MRPS11: variants seen among roughly 807,000 people sequenced by gnomAD.
The protein encoded by MRPS11 is small ribosomal subunit protein uS11m.
In MRPS11, 27 loss-of-function variants were observed where a neutral mutation model predicts 24.3. The ratio of observed to expected loss-of-function variants is 1.11; its 90% CI spans 0.82 to 1.53. The LOEUF is 1.53. Among genes scored for constraint, MRPS11 ranks in the 40% most tolerant of loss-of-function variants. The probability of loss-of-function intolerance (pLI) is 0.00; values close to 1 mark genes in which losing one functional copy is unlikely to be tolerated. For synonymous variants in MRPS11, 104 were observed against 98.7 expected (o/e 1.05, Z -0.32); for missense variants, 277 against 256.5 (o/e 1.08, Z -0.55).
chr15:88,479,920 G>A lies in MRPS11; in HGVS notation c.*1941G>A, dbSNP rs2055898654. 6.6e-6 allele frequency: 1 copy of A among 152,302 alleles called. No individual in the cohort carries two copies. The highest frequency in any genetic ancestry group is 1.5e-5 in the Non-Finnish European group (1 of 68,082). The allele number at this position is 152,302 out of a possible 1,614,324, so 9.4% of individuals were successfully genotyped here. On this transcript the variant is annotated 3_prime_UTR_variant, in exon 6 of 6. Coordinates refer to ENST00000325844, the MANE Select transcript of MRPS11 (RefSeq NM_022839.5). ...AAGCAGCTGCCACCCTAGGCTAGAA[G>A]AGGCAGGGAAGAACAGTTCCTAGAA...
chr15:88,474,901 T>G (rs2055789022), intron 3 of MRPS11: 1 of 517,184 alleles, frequency 1.9e-6, no homozygotes, highest in Non-Finnish European at 3.4e-6. Context: ...ATTATGTGAC[T>G]TACCAGTTTT....
intron 3 of MRPS11, among the ~76,000 whole-genome samples, chr15:88,473,188 C>T (rs2055751624): frequency 6.6e-6 from 1 of 152,234 alleles, no homozygotes; most frequent in Admixed American, 6.5e-5. Flanking sequence ...CACTCTGGGC[C>T]ACTGTGCACT....
chr15:88,472,785 A>T (rs969769931), intron 3 of MRPS11, 60 bp downstream of exon 3: 1 of 1,429,520 alleles, frequency 7.0e-7, no homozygotes, highest in Admixed American at 1.8e-5. Flanking sequence ...CTTCACAGGG[A>T]AAGTCAGGCT....
rs369298178 is a variant in MRPS11, at chr15:88,477,994, G to A, written c.*15G>A. The A allele has an allele frequency of 5.0e-6, 8 of 1,607,358 alleles. No homozygotes were observed. Among genetic ancestry groups the A allele is most frequent in the Non-Finnish European group, 2.6e-6 (3 of 1,173,980 alleles). ...GGAAGCTGTGATGGGAAGGAGGCCT[G>A]CACTTGGACCTGACCTCAAGCCTCA... On this transcript the variant is annotated 3_prime_UTR_variant, in exon 6 of 6. Coordinates refer to ENST00000325844, the MANE Select transcript of MRPS11 (RefSeq NM_022839.5). This position sits in a 1 kb window ranked among gnomAD's most constrained non-coding sequence, Gnocchi z 5.7.
At chr15:88,476,485 T>C (rs1598296361) in intron 4 of MRPS11, among the ~76,000 whole-genome samples, 1 of 152,322 alleles carries the variant, frequency 6.6e-6, no homozygotes, top group African/African-American at 2.4e-5. Context: ...TCATATACTA[T>C]GAAAAGAAGT....
rs77916073 is a variant in MRPS11, at chr15:88,469,599, A to G, written c.182+1575A>G. Among the ~76,000 whole-genome samples, 40 of 152,350 alleles carry G rather than the reference A, an allele frequency of 2.6e-4. No homozygotes were observed. Among genetic ancestry groups the G allele is most frequent in the South Asian group, 2.5e-3 (12 of 4,828 alleles). On this transcript the variant is annotated intron_variant, in intron 2 of 5. Transcript: ENST00000325844. This position sits in a 1 kb window ranked among gnomAD's most constrained non-coding sequence, Gnocchi z 4.4. Reference sequence around the variant, plus strand: ...TTACTGTGAATGAAATGGGAGGCCAATGGAAATTGCTGAATAAAGGGTTGA... The same window carrying G: ...TTACTGTGAATGAAATGGGAGGCCAGTGGAAATTGCTGAATAAAGGGTTGA...
rs2055910679 is a variant in MRPS11 at position 88,480,562 on chromosome 15, A to G, written c.*2583A>G. 7 of 152,196 alleles carry G rather than the reference A, an allele frequency of 4.6e-5. No individual in the cohort carries two copies. The allele number at this position is 152,196 out of a possible 1,614,324, so 9.4% of individuals were successfully genotyped here. On this transcript the variant is annotated 3_prime_UTR_variant, in exon 6 of 6. Coordinates refer to ENST00000325844, the MANE Select transcript of MRPS11 (RefSeq NM_022839.5). This position sits in a 1 kb window ranked among gnomAD's most constrained non-coding sequence, Gnocchi z 5.1. ...GGCTTTGGAAAGGAAGATCCTGCCCAGCAGAGCCTACATGCGCAGACAGGA... is the reference window on the plus strand; with the variant it reads ...GGCTTTGGAAAGGAAGATCCTGCCCGGCAGAGCCTACATGCGCAGACAGGA...
At position 88,475,194 on chromosome 15, in the gene MRPS11, G is replaced by A. The variant is rs773281859; in HGVS notation, c.366G>A (p.Lys122=). The A allele has an allele frequency of 1.9e-6, 3 of 1,614,216 alleles. No homozygotes were observed. The highest frequency in any genetic ancestry group is 2.2e-5 in the East Asian group (1 of 44,884). ...CGTEGFRNAK[K]GTGIAAQTAG... ...CAGAGGGATTTCGGAATGCCAAGAA[G>A]GGCACAGGCATCGCAGCACAGACAG... Residue 122 remains lysine (K), a synonymous_variant, in exon 4 of 6, where the codon AAG becomes AAA. Coordinates refer to ENST00000325844, the MANE Select transcript of MRPS11 (RefSeq NM_022839.5). This position sits in a 1 kb window ranked among gnomAD's most constrained non-coding sequence, Gnocchi z 4.1.
chr15:88,476,196 T>C (rs1259038042), intron 4 of MRPS11, among the ~76,000 whole-genome samples: 1 of 152,192 alleles, frequency 6.6e-6, no homozygotes, highest in East Asian at 1.9e-4. Flanking sequence ...CCCTCAGTAT[T>C]ATCCACATTT....
chr15:88,475,119 C>T lies in MRPS11; in HGVS notation c.291C>T (p.Ile97=). Residue 97 remains isoleucine, a synonymous_variant, in exon 4 of 6, where the codon ATC becomes ATT. Coordinates refer to ENST00000325844, the MANE Select transcript of MRPS11 (RefSeq NM_022839.5). This position sits in a 1 kb window ranked among gnomAD's most constrained non-coding sequence, Gnocchi z 4.1. ...CTTCTACTTTTCTCAGCACACAGAT[C>T]CAGGTAGTCTCTGCTAGTAATGAGC... is the stretch of plus-strand genomic sequence containing the variant. ...HIKASHNNTQ[I]QVVSASNEPL... The T allele has an allele frequency of 1.9e-6, 3 of 1,614,204 alleles. No individual in the cohort carries two copies. Among genetic ancestry groups the T allele is most frequent in the Non-Finnish European group, 2.5e-6 (3 of 1,180,032 alleles).
intron 2 of MRPS11, chr15:88,472,421 G>T: frequency 1.9e-6 from 1 of 517,760 alleles, no homozygotes. Context: ...AGATGTGTCT[G>T]AAGTCAGCAA....
In MRPS11 at chr15:88,477,947, G is replaced by A. The variant is rs369601980; in HGVS notation, c.553G>A (p.Gly185Ser). The change falls in exon 6 of 6, where the codon GGC becomes AGC. Residue 185 changes from glycine (G) to serine (S), a missense_variant. Transcript: ENST00000325844. This position sits in a 1 kb window ranked among gnomAD's most constrained non-coding sequence, Gnocchi z 5.7. ...ITDNTPIPHN[G>S]CRPRKARKL ...AGACAACACCCCAATCCCACACAAC[G>A]GCTGCCGCCCCAGGAAGGCTCGGAA... 185 of 1,614,042 alleles carry A rather than the reference G, an allele frequency of 1.1e-4. No individual in the cohort carries two copies. Among genetic ancestry groups the A allele is most frequent in the Non-Finnish European group, 1.5e-4 (172 of 1,180,046 alleles).
At chr15:88,476,431 A>G (rs1409205099) in intron 4 of MRPS11, among the ~76,000 whole-genome samples, 1 of 152,222 alleles carries the variant, frequency 6.6e-6, no homozygotes, top group African/African-American at 2.4e-5. Flanking sequence ...TGCATGTACT[A>G]TCATCAGAAA....
Position 88,478,210 on chromosome 15 carries a change from C to A in MRPS11, c.*231C>A. ...ACAAGAGGGGAGCTACAGGGGCAGCCGTGGCCTAGGCCCAAACTCTGCTCT... is the reference window on the plus strand; with the variant it reads ...ACAAGAGGGGAGCTACAGGGGCAGCAGTGGCCTAGGCCCAAACTCTGCTCT... On this transcript the variant is annotated 3_prime_UTR_variant, in exon 6 of 6. Transcript: ENST00000325844. This position sits in a 1 kb window ranked among gnomAD's most constrained non-coding sequence, Gnocchi z 4.7. 1 of 563,610 alleles carries A rather than the reference C, an allele frequency of 1.8e-6. No individual in the cohort carries two copies. Among genetic ancestry groups the A allele is most frequent in the Non-Finnish European group, 3.2e-6 (1 of 315,992 alleles). The allele number at this position is 563,610 out of a possible 1,614,324, so 34.9% of individuals were successfully genotyped here.
chr15:88,468,158 G>A, intron 2 of MRPS11, 134 bp downstream of exon 2: 1 of 1,457,548 alleles, frequency 6.9e-7, no homozygotes, highest in South Asian at 1.4e-5. Flanking sequence ...ATAAATCTGA[G>A]CCTCAGCCTT....
intron 3 of MRPS11, among the ~76,000 whole-genome samples, chr15:88,474,640 T>C (rs2055783829): frequency 1.3e-5 from 2 of 152,152 alleles, no homozygotes; most frequent in Non-Finnish European, 2.9e-5. Context: ...TACTGAAATA[T>C]TTACAGACAA....
Position 88,477,781 on chromosome 15 carries a change from G to T in MRPS11, c.478-91G>T, listed in dbSNP as rs907489650. On this transcript the variant is annotated intron_variant, in intron 5 of 5. Coordinates refer to ENST00000325844, the MANE Select transcript of MRPS11 (RefSeq NM_022839.5). The surrounding 1 kb of genome is among the most constrained non-coding windows in gnomAD (Gnocchi z 5.7). ...CTCACCCCTCCGTTCCCTTCTCTAC[G>T]CCACCCTGTCCCTCTCCGAACCCTG... The T allele has an allele frequency of 1.8e-6, 2 of 1,100,536 alleles. No individual in the cohort carries two copies. Among genetic ancestry groups the T allele is most frequent in the Non-Finnish European group, 2.7e-6 (2 of 733,640 alleles). 68.2% of individuals were successfully genotyped at this position (1,100,536 alleles called of 1,614,324 possible).
At chr15:88,472,272 CAG>C (rs35401453) in intron 2 of MRPS11, 10,435 of 185,286 alleles carry the variant, frequency 0.056, 1,193 homozygotes, top group African/African-American at 0.23. Flanking sequence ...AAATAAGAAA[CAG>C]AGGTTTGACT....
chr15:88,475,011 C>T lies in MRPS11; in HGVS notation c.282-99C>T. 1.4e-6 allele frequency: 2 copies of T among 1,412,002 alleles called. No homozygotes were observed. Among genetic ancestry groups the T allele is most frequent in the Non-Finnish European group, 1.9e-6 (2 of 1,047,942 alleles). 87.5% of individuals were successfully genotyped at this position (1,412,002 alleles called of 1,614,324 possible). A position where few individuals can be genotyped will look rare whatever the true frequency, so the allele number is the denominator to read the frequency against. ...GCTCAAAGTAGAAGCAACTGAATTCCTTTTTCTTTCTCACCCAGGCTTCTA... is the reference window on the plus strand; with the variant it reads ...GCTCAAAGTAGAAGCAACTGAATTCTTTTTTCTTTCTCACCCAGGCTTCTA... On this transcript the variant is annotated intron_variant, in intron 3 of 5. Transcript: ENST00000325844. The surrounding 1 kb of genome is among the most constrained non-coding windows in gnomAD (Gnocchi z 4.1).
Sources: gnomAD v4.1 joint callset for allele counts (sites outside exome capture counted in the v4.1 genomes callset) on GRCh38, gnomAD v4.1.1 for gene constraint, Gnocchi (gnomAD v3.1) non-coding constraint, MANE v1.5 for transcripts, NCBI Gene and HGNC (gene_info 2026-07-23, HGNC 2026-07-21) for gene names.